The following ROBO1 variants were observed in gnomAD, a reference collection of about 807,000 sequenced individuals.
ROBO1 encodes roundabout homolog 1.
ROBO1 carries 149 observed loss-of-function variants against 195.9 expected under a neutral mutation model. The ratio of observed to expected loss-of-function variants is 0.76; its 90% CI spans 0.67 to 0.87. The LOEUF (loss-of-function observed/expected upper bound fraction) is 0.87, where lower values mean the gene tolerates loss of function less well. Ranked by LOEUF, ROBO1 falls within the 40% of genes least tolerant of loss-of-function variation. ROBO1 has a pLI of 0.00. For missense variants in ROBO1, 1,933 were observed against 2,068.3 expected (o/e 0.93, Z 1.27); for synonymous variants, 816 against 733.2 (o/e 1.11, Z -1.82).
intron 2 of ROBO1, among the ~76,000 whole-genome samples, chr3:79,327,118 G>A (rs2034244897): frequency 6.6e-6 from 1 of 151,812 alleles, no homozygotes; most frequent in South Asian, 2.1e-4. Flanking sequence ...AAAACAAATA[G>A]GAAGACTTAA....
chr3:79,331,450 T>C (rs2034435287), intron 2 of ROBO1, among the ~76,000 whole-genome samples: 1 of 152,234 alleles, frequency 6.6e-6, no homozygotes, highest in Non-Finnish European at 1.5e-5. Context: ...AAACAAGCCA[T>C]TTATAAAAGA....
intron 3 of ROBO1, among the ~76,000 whole-genome samples, chr3:79,112,188 G>T (rs2079899041): frequency 6.6e-6 from 1 of 152,094 alleles, no homozygotes; most frequent in Admixed American, 6.6e-5. Flanking sequence ...TTTTTATTGG[G>T]CAGCTCTGAT....
At chr3:79,486,650 A>G (rs910130683) in intron 2 of ROBO1, among the ~76,000 whole-genome samples, 2 of 152,148 alleles carry the variant, frequency 1.3e-5, no homozygotes, top group African/African-American at 4.8e-5. Flanking sequence ...GCCCAGCAAA[A>G]TTTTTAGGTA....
rs180726365 is a variant in ROBO1, at chr3:79,608,066, A to T, written c.-50-18105T>A. On this transcript the variant is annotated intron_variant, in intron 1 of 30. Coordinates refer to ENST00000464233, the MANE Select transcript of ROBO1 (RefSeq NM_002941.4). Reference sequence around the variant, plus strand: ...GTATGAGTTTTATTCTTTACAAAACATGAAAATAAATAAACATGTTGTCAA... The same window carrying T: ...GTATGAGTTTTATTCTTTACAAAACTTGAAAATAAATAAACATGTTGTCAA... 1.5e-4 allele frequency among the ~76,000 whole-genome samples: 23 copies of T among 152,156 alleles called. No homozygotes were observed. The East Asian group carries it at 4.3e-3, about 28-fold the overall frequency.
rs368146604 is a variant in ROBO1, at chr3:79,232,376, T to A, written c.89-106837A>T. Among the ~76,000 whole-genome samples, 35 of 144,228 alleles carry A rather than the reference T, an allele frequency of 2.4e-4. No individual in the cohort carries two copies. The East Asian group carries it at 4.6e-3, about 19-fold the overall frequency. 94.6% of individuals were successfully genotyped at this position (144,228 alleles called of 152,430 possible). A position where few individuals can be genotyped will look rare whatever the true frequency, so the allele number is the denominator to read the frequency against. On this transcript the variant is annotated intron_variant, in intron 2 of 30. Transcript: ENST00000464233. ...ATAAAGTGGAAATATGAGAAAAAAA[T>A]AAAAGATATAGAGAGTCGATCCAGG...
intron 3 of ROBO1, among the ~76,000 whole-genome samples, chr3:79,008,888 C>CGTGTGTGTGT (rs375134341): frequency 0.01 from 1,241 of 121,258 alleles, 40 homozygotes; most frequent in East Asian, 0.046. Context: ...TGCACCCAGC[C>CGTGTGTGTGT]GTGTGTGTGT....
At chr3:79,550,685 A>T (rs1416257969) in intron 2 of ROBO1, among the ~76,000 whole-genome samples, 2 of 152,202 alleles carry the variant, frequency 1.3e-5, no homozygotes, top group African/African-American at 4.8e-5. Flanking sequence ...ATACCAAAGC[A>T]AATAATTCAA....
At chr3:79,195,382 C>T (rs1239566770) in intron 2 of ROBO1, among the ~76,000 whole-genome samples, 1 of 151,486 alleles carries the variant, frequency 6.6e-6, no homozygotes, top group Non-Finnish European at 1.5e-5. Flanking sequence ...AAGGAATGAG[C>T]AACCAGAAAC....
intron 2 of ROBO1, among the ~76,000 whole-genome samples, chr3:79,397,617 A>G (rs1024073386): frequency 1.3e-5 from 2 of 152,308 alleles, no homozygotes; most frequent in Middle Eastern, 3.4e-3. Flanking sequence ...ACATAAGCAG[A>G]CCATCGATCA....
chr3:78,859,026 C>A (rs999874695), intron 4 of ROBO1, among the ~76,000 whole-genome samples: 1 of 152,066 alleles, frequency 6.6e-6, no homozygotes, highest in African/African-American at 2.4e-5. Context: ...CTCATTAATT[C>A]CACAACTCTC....
At chr3:79,002,601 A>T (rs763098720) in intron 3 of ROBO1, among the ~76,000 whole-genome samples, 2 of 152,140 alleles carry the variant, frequency 1.3e-5, no homozygotes, top group Admixed American at 1.3e-4. Flanking sequence ...TAAATGAATG[A>T]ATGACTCTAG....
At chr3:78,918,620 AC>A (rs2038767368) in intron 4 of ROBO1, among the ~76,000 whole-genome samples, 1 of 152,092 alleles carries the variant, frequency 6.6e-6, no homozygotes, top group Non-Finnish European at 1.5e-5. Flanking sequence ...CTGTTAGAGG[AC>A]AGCCAAAAAT....
intron 2 of ROBO1, among the ~76,000 whole-genome samples, chr3:79,465,264 G>A (rs1396525172): frequency 1.3e-5 from 2 of 152,066 alleles, no homozygotes; most frequent in Non-Finnish European, 2.9e-5. Flanking sequence ...CTGTTTTAAC[G>A]GTGGTTGTCT....
rs1225164208 is a variant in ROBO1, at chr3:79,378,316, C to T, written c.88+211508G>A. ...AACTCTCTTTTCCCTCGGTGCCAGC[C>T]TCCAGCATGGGCCTGTCTCCCTGTC... On this transcript the variant is annotated intron_variant, in intron 2 of 30. Coordinates refer to ENST00000464233, the MANE Select transcript of ROBO1 (RefSeq NM_002941.4). 2.0e-5 allele frequency among the ~76,000 whole-genome samples: 3 copies of T among 152,030 alleles called. No individual in the cohort carries two copies. The East Asian group carries it at 5.8e-4, about 30-fold the overall frequency.
At chr3:79,440,554 A>T (rs1478469007) in intron 2 of ROBO1, among the ~76,000 whole-genome samples, 1 of 152,128 alleles carries the variant, frequency 6.6e-6, no homozygotes, top group African/African-American at 2.4e-5. Flanking sequence ...GAACCAGGAT[A>T]GTCCTTGTCC....
chr3:78,777,430 T>C (rs1199436338), intron 4 of ROBO1, among the ~76,000 whole-genome samples: 1 of 151,978 alleles, frequency 6.6e-6, no homozygotes, highest in Non-Finnish European at 1.5e-5. Flanking sequence ...TTCCTTATGA[T>C]ATATATACAA....
At chr3:78,628,605 C>A (rs1349911187) in intron 25 of ROBO1, among the ~76,000 whole-genome samples, 2 of 152,148 alleles carry the variant, frequency 1.3e-5, no homozygotes, top group Admixed American at 1.3e-4. Context: ...TGTTCATTCT[C>A]TACCATCCAC....
At chr3:79,388,775 T>G (rs2036843759) in intron 2 of ROBO1, among the ~76,000 whole-genome samples, 2 of 152,268 alleles carry the variant, frequency 1.3e-5, no homozygotes, top group African/African-American at 4.8e-5. Flanking sequence ...ATTAGGATTC[T>G]TCTCCATCTA....
At chr3:78,791,700 T>G (rs2108529116) in intron 4 of ROBO1, among the ~76,000 whole-genome samples, 1 of 152,348 alleles carries the variant, frequency 6.6e-6, no homozygotes, top group African/African-American at 2.4e-5. Flanking sequence ...CTTACCTCTC[T>G]ATACATCCAT....
Sources: allele counts gnomAD v4.1 joint callset (sites outside exome capture counted in the v4.1 genomes callset), GRCh38; gene constraint gnomAD v4.1.1; transcripts MANE v1.5; gene names NCBI Gene and HGNC (gene_info 2026-07-23, HGNC 2026-07-21).